Variants in SHISAL1 observed in about 807,000 individuals in gnomAD.
SHISAL1 encodes protein shisa-like-1.
A neutral mutation model predicts 22.6 loss-of-function variants in SHISAL1; 9 were observed. The observed-to-expected ratio is 0.40, with a 90% CI of 0.24 to 0.70. The LOEUF (loss-of-function observed/expected upper bound fraction) is 0.70, where lower values mean the gene tolerates loss of function less well. Among genes scored for constraint, SHISAL1 ranks in the 30% least tolerant of loss-of-function variants. The pLI is 0.39. For missense variants in SHISAL1, 246 were observed against 270.6 expected (o/e 0.91, Z 0.64); for synonymous variants, 119 against 115.4 (o/e 1.03, Z -0.20).
upstream of SHISAL1, among the ~76,000 whole-genome samples, chr22:44,317,396 A>G (rs2055564972): frequency 2.6e-5 from 4 of 152,328 alleles, no homozygotes; most frequent in African/African-American, 9.6e-5. Context: ...AGCGAGGGAA[A>G]CAGGTGCTTT....
intron 4 of SHISAL1, among the ~76,000 whole-genome samples, chr22:44,264,694 G>A (rs1007064100): frequency 6.6e-6 from 1 of 152,154 alleles, no homozygotes; most frequent in African/African-American, 2.4e-5. Flanking sequence ...CACAAGCTGT[G>A]TGACCTTGGG....
intron 3 of SHISAL1, among the ~76,000 whole-genome samples, chr22:44,287,167 G>A (rs1458479699): frequency 6.6e-6 from 1 of 152,230 alleles, no homozygotes; most frequent in East Asian, 1.9e-4. Flanking sequence ...GCCTGTCTCT[G>A]GGCCTGGAGG....
At chr22:44,296,467 C>T (rs1160337600) in intron 3 of SHISAL1, among the ~76,000 whole-genome samples, 4 of 152,214 alleles carry the variant, frequency 2.6e-5, no homozygotes, top group East Asian at 1.9e-4. Flanking sequence ...GCCTCTGTGT[C>T]CATTTCTCAG....
chr22:44,250,495 A>T (rs1298807568), intron 4 of SHISAL1, among the ~76,000 whole-genome samples: 1 of 152,190 alleles, frequency 6.6e-6, no homozygotes. Flanking sequence ...GAAAAGAAAT[A>T]CAGACTCCAT....
upstream of SHISAL1, among the ~76,000 whole-genome samples, chr22:44,314,685 G>C (rs748988616): frequency 5.3e-5 from 8 of 152,140 alleles, no homozygotes; most frequent in Non-Finnish European, 1.0e-4. Flanking sequence ...CAGCAACTGT[G>C]GGGGAGGAAA....
chr22:44,285,691 C>T lies in SHISAL1; in HGVS notation c.336G>A (p.Leu112=). The T allele has an allele frequency of 1.9e-6, 3 of 1,614,010 alleles. No homozygotes were observed. The highest frequency in any genetic ancestry group is 2.5e-6 in the Non-Finnish European group (3 of 1,179,936). ...AGTAATACAAAAGGTCCAGAACCAGCAGCATCAACACGAAAAATCCATAGA... is the reference window on the plus strand; with the variant it reads ...AGTAATACAAAAGGTCCAGAACCAGTAGCATCAACACGAAAAATCCATAGA... The part of the protein sequence containing the change: ...VWIYGFFVLM[L]LVLDLLYYSA... The change falls in exon 4 of 5, where the codon CTG becomes CTA. Residue 112 remains leucine (L), a synonymous_variant. Coordinates refer to ENST00000381176, the MANE Select transcript of SHISAL1 (RefSeq NM_001099294.2).
chr22:44,258,149 T>C (rs1178230872), intron 4 of SHISAL1, among the ~76,000 whole-genome samples: 2 of 151,880 alleles, frequency 1.3e-5, no homozygotes, highest in Admixed American at 6.6e-5. Flanking sequence ...TCTAAATAAA[T>C]ACAAAAATTA....
intron 4 of SHISAL1, among the ~76,000 whole-genome samples, chr22:44,253,556 G>A (rs887046634): frequency 6.6e-6 from 1 of 150,892 alleles, no homozygotes; most frequent in Non-Finnish European, 1.5e-5. Context: ...AGCCTCCTGA[G>A]TAGCTGGGAT....
At chr22:44,292,077 C>T (rs2055356516) in intron 3 of SHISAL1, among the ~76,000 whole-genome samples, 1 of 152,204 alleles carries the variant, frequency 6.6e-6, no homozygotes, top group Admixed American at 6.5e-5. Flanking sequence ...CCAAAACAAA[C>T]CATTCTGTTC....
At chr22:44,324,811 C>G in the SHISAL1 span, among the ~76,000 whole-genome samples, 4,887 of 152,286 alleles carry the variant, frequency 0.032, 253 homozygotes, top group African/African-American at 0.11. Context: ...GAGGATAGGG[C>G]TCATCTCAGC....
At chr22:44,280,845 C>T (rs555359904) in intron 4 of SHISAL1, among the ~76,000 whole-genome samples, 5 of 152,244 alleles carry the variant, frequency 3.3e-5, no homozygotes, top group Non-Finnish European at 5.9e-5. Context: ...GCAGGTTGTG[C>T]GGCACTGGCG....
intron 4 of SHISAL1, among the ~76,000 whole-genome samples, chr22:44,275,386 C>T (rs1211733784): frequency 1.3e-5 from 2 of 152,188 alleles, no homozygotes; most frequent in Non-Finnish European, 2.9e-5. Flanking sequence ...GCGAAGGGGC[C>T]GACGGCGGAT....
intron 1 of SHISAL1, among the ~76,000 whole-genome samples, chr22:44,303,859 C>G (rs1208109337): frequency 1.3e-5 from 2 of 152,096 alleles, no homozygotes; most frequent in African/African-American, 2.4e-5. Flanking sequence ...GCTGAACCAC[C>G]CTCCCATCCC....
chr22:44,310,448 C>T lies in SHISAL1; in HGVS notation c.-33+2303G>A, dbSNP rs191838861. Among the ~76,000 whole-genome samples the T allele has an allele frequency of 3.6e-4, 55 of 152,322 alleles. No individual in the cohort carries two copies. The highest frequency in any genetic ancestry group is 9.8e-4 in the Admixed American group (15 of 15,304). ...CCACATAGGCTTTGCAGCGAGTCTC[C>T]TTGGCCTTGGATCAGAGCTTTATCA... On this transcript the variant is annotated intron_variant, in intron 1 of 4. Transcript: ENST00000381176. This position sits in a 1 kb window ranked among gnomAD's most constrained non-coding sequence, Gnocchi z 4.0.
chr22:44,303,924 C>G (rs1017055155), intron 1 of SHISAL1, among the ~76,000 whole-genome samples: 1 of 152,192 alleles, frequency 6.6e-6, no homozygotes, highest in East Asian at 1.9e-4. Context: ...CCATCCTGTC[C>G]ACGCCAGGTG....
chr22:44,260,158 C>T (rs1317309880), intron 4 of SHISAL1, among the ~76,000 whole-genome samples: 1 of 152,128 alleles, frequency 6.6e-6, no homozygotes, highest in African/African-American at 2.4e-5. Flanking sequence ...ACCAAGTTCC[C>T]CTTTAAAGAC....
chr22:44,266,199 T>C (rs1428644854), intron 4 of SHISAL1, among the ~76,000 whole-genome samples: 1 of 152,168 alleles, frequency 6.6e-6, no homozygotes, highest in Non-Finnish European at 1.5e-5. Context: ...AGACAGTACA[T>C]GTAACAACGC....
rs147684613 is a variant in SHISAL1 at position 44,265,432 on chromosome 22, G to A, written c.*-15747C>T. On this transcript the variant is annotated intron_variant, in intron 4 of 4. Transcript: ENST00000381176. ...ACACCCCCAGCCAACACCTGAACCC[G>A]CTACCAGCCACCTGAGTGAGCTGAG... Among the ~76,000 whole-genome samples the A allele has an allele frequency of 9.1e-4, 139 of 152,224 alleles. 4 individuals are homozygous for A. The East Asian group carries it at 0.022, about 24-fold the overall frequency.
intron 3 of SHISAL1, 26 bp downstream of exon 3, chr22:44,296,646 G>C: frequency 6.2e-7 from 1 of 1,607,612 alleles, no homozygotes; most frequent in Non-Finnish European, 8.5e-7. Context: ...GAGGCAGTGG[G>C]GTTGCACCCC....
Sources: gnomAD v4.1 joint callset for allele counts (sites outside exome capture counted in the v4.1 genomes callset) on GRCh38, gnomAD v4.1.1 for gene constraint, Gnocchi (gnomAD v3.1) non-coding constraint, MANE v1.5 for transcripts, NCBI Gene and HGNC (gene_info 2026-07-23, HGNC 2026-07-21) for gene names.